The following CACNA1G variants were observed in gnomAD, a reference collection of about 807,000 sequenced individuals.
The protein encoded by CACNA1G is voltage-dependent T-type calcium channel subunit alpha-1G.
In CACNA1G, 67 loss-of-function variants were observed where a neutral mutation model predicts 219.4. The observed-to-expected ratio is 0.31, with a 90% CI of 0.25 to 0.37. CACNA1G has a LOEUF of 0.37. Ranked by LOEUF, CACNA1G falls within the 10% of genes least tolerant of loss-of-function variation. CACNA1G has a pLI of 1.00. For missense variants in CACNA1G, 2,380 were observed against 3,231.4 expected (o/e 0.74, Z 6.39); for synonymous variants, 1,296 against 1,345.3 (o/e 0.96, Z 0.80).
chr17:50,624,260 GGA>G, intron 36 of CACNA1G, 98 bp from the exon 37 acceptor site: 1 of 1,266,724 alleles, frequency 7.9e-7, no homozygotes, highest in Non-Finnish European at 1.1e-6. Context: ...CTGATGAGGG[GGA>G]GAGAGTGGAA....
chr17:50,608,210 C>T (rs2048357930), intron 25 of CACNA1G, among the ~76,000 whole-genome samples, 191 bp downstream of exon 25: 1 of 152,126 alleles, frequency 6.6e-6, no homozygotes, highest in African/African-American at 2.4e-5. Flanking sequence ...CAGACCACTT[C>T]AGCCCCATGG....
intron 9 of CACNA1G, among the ~76,000 whole-genome samples, chr17:50,586,629 T>C (rs2145313655): frequency 6.6e-6 from 1 of 152,320 alleles, no homozygotes; most frequent in East Asian, 1.9e-4. Flanking sequence ...TCCTTTGTTC[T>C]GTAGAGCAGC....
intron 25 of CACNA1G, among the ~76,000 whole-genome samples, chr17:50,608,567 A>G (rs1215870729): frequency 6.6e-6 from 1 of 151,342 alleles, no homozygotes; most frequent in Admixed American, 6.6e-5. Context: ...AAACTTAAAA[A>G]AAGAAAAAGC....
chr17:50,619,518 C>CTGTGTGTTTGTG lies in CACNA1G; in HGVS notation c.5782-158_5782-157insTTGTGTGTGTGT, dbSNP rs1555569199. Reference sequence around the variant, plus strand: ...CCCCCTCCTCTTTTTCTCTTTGTTGCTGTGTGTGTTTTTGTGTGTGTGCAC... The same window carrying CTGTGTGTTTGTG: ...CCCCCTCCTCTTTTTCTCTTTGTTGCTGTGTGTTTGTGTGTGTGTGTTTTTGTGTGTGTGCAC... On this transcript the variant is annotated intron_variant, in intron 33 of 37. Coordinates refer to ENST00000359106, the MANE Select transcript of CACNA1G (RefSeq NM_018896.5). Among the ~76,000 whole-genome samples the CTGTGTGTTTGTG allele has an allele frequency of 8.1e-3, 1,222 of 150,314 alleles. 20 individuals carry two copies. Among genetic ancestry groups the CTGTGTGTTTGTG allele is most frequent in the African/African-American group, 0.029 (1,171 of 40,884 alleles).
intron 23 of CACNA1G, 115 bp from the exon 24 acceptor site, chr17:50,606,785 C>A: frequency 1.4e-6 from 1 of 732,570 alleles, no homozygotes; most frequent in South Asian, 1.5e-5. Flanking sequence ...CCAGCTTGAC[C>A]CCTCAAGGGC....
intron 26 of CACNA1G, among the ~76,000 whole-genome samples, chr17:50,613,943 G>T (rs959398434): frequency 6.6e-6 from 1 of 152,150 alleles, no homozygotes; most frequent in South Asian, 2.1e-4. Context: ...CAGAGCCACA[G>T]TTGGCTGGCC....
In CACNA1G at chr17:50,607,723, C is replaced by T. The variant is rs144308183; in HGVS notation, c.4513-104C>T. The T allele has an allele frequency of 1.4e-3, 1,225 of 891,760 alleles. 12 individuals carry two copies. In the African/African-American group the frequency reaches 0.018, roughly 13 times the overall value. 55.2% of individuals were successfully genotyped at this position (891,760 alleles called of 1,614,324 possible). ...CCATTCATTTCCATCGCCTGTCAGG[C>T]GGCTGTAGCTATTTGGGTTCGCAGG... On this transcript the variant is annotated intron_variant, in intron 24 of 37. Coordinates refer to ENST00000359106, the MANE Select transcript of CACNA1G (RefSeq NM_018896.5).
intron 4 of CACNA1G, 61 bp downstream of exon 4, chr17:50,569,864 C>T (rs2038963607): frequency 1.6e-6 from 2 of 1,249,636 alleles, no homozygotes; most frequent in South Asian, 1.3e-5. Flanking sequence ...GTGGAACTCT[C>T]AGACCCCACC....
intron 13 of CACNA1G, among the ~76,000 whole-genome samples, chr17:50,593,795 C>T (rs1459663209): frequency 1.3e-5 from 2 of 152,216 alleles, no homozygotes; most frequent in Non-Finnish European, 2.9e-5. Context: ...AGAACATCCC[C>T]TCTCCATGGG....
intron 7 of CACNA1G, 166 bp downstream of exon 7, chr17:50,573,279 A>C (rs1567980903): frequency 3.3e-6 from 2 of 607,548 alleles, no homozygotes; most frequent in Middle Eastern, 3.2e-4. Context: ...ATGCAGAGTC[A>C]GGAGGAAATC....
intron 13 of CACNA1G, among the ~76,000 whole-genome samples, chr17:50,594,532 C>T (rs1157995645): frequency 6.6e-6 from 1 of 152,158 alleles, no homozygotes; most frequent in Non-Finnish European, 1.5e-5. Context: ...GCCACAGACT[C>T]GGGTTCCAGG....
rs2048613077 is a variant in CACNA1G at position 50,609,118 on chromosome 17, C to G, written c.4706-764C>G. 2.6e-5 allele frequency among the ~76,000 whole-genome samples: 4 copies of G among 152,194 alleles called. No homozygotes were observed. In the South Asian group the frequency reaches 8.3e-4, roughly 32 times the overall value. ...TTGGTGTGTTCACATGTGAGTACCA[C>G]CAAATGAGTGAGGGGTTGCCGTGCC... On this transcript the variant is annotated intron_variant, in intron 25 of 37. Coordinates refer to ENST00000359106, the MANE Select transcript of CACNA1G (RefSeq NM_018896.5).
chr17:50,618,460 T>A lies in CACNA1G; in HGVS notation c.5427+117T>A. The A allele has an allele frequency of 7.1e-7, 1 of 1,400,224 alleles. No individual in the cohort carries two copies. Among genetic ancestry groups the A allele is most frequent in the Non-Finnish European group, 9.9e-7 (1 of 1,010,352 alleles). The allele number at this position is 1,400,224 out of a possible 1,614,324, so 86.7% of individuals were successfully genotyped here. On this transcript the variant is annotated intron_variant, in intron 32 of 37. Transcript: ENST00000359106. The surrounding 1 kb of genome is among the most constrained non-coding windows in gnomAD (Gnocchi z 5.3). ...GCATGTGACCTTCTCTCCCCCGTGC[T>A]AGAACACTCTGGAACTCCCTCTCCC...
At position 50,616,146 on chromosome 17, in the gene CACNA1G, G is replaced by A. The variant is rs1002124335; in HGVS notation, c.4912-129G>A. The A allele has an allele frequency of 2.0e-5, 12 of 611,910 alleles. No individual in the cohort carries two copies. The Admixed American group carries it at 3.4e-4, about 17-fold the overall frequency. The allele number at this position is 611,910 out of a possible 1,614,324, so 37.9% of individuals were successfully genotyped here. A position where few individuals can be genotyped will look rare whatever the true frequency, so the allele number is the denominator to read the frequency against. ...GGCTAATGGCCAGCCATCATGATGGGAACAGAGAAGACAGGGCTCCTTGGA... is the reference window on the plus strand; with the variant it reads ...GGCTAATGGCCAGCCATCATGATGGAAACAGAGAAGACAGGGCTCCTTGGA... On this transcript the variant is annotated intron_variant, in intron 27 of 37. Transcript: ENST00000359106.
chr17:50,576,326 G>C lies in CACNA1G; in HGVS notation c.1924G>C (p.Gly642Arg), dbSNP rs759240788. 2.6e-6 allele frequency: 4 copies of C among 1,567,068 alleles called. No individual in the cohort carries two copies. Among genetic ancestry groups the C allele is most frequent in the Non-Finnish European group, 3.5e-6 (4 of 1,156,180 alleles). The part of the protein sequence containing the change: ...MHKLLETQST[G>R]ACQSSCKISS... Reference sequence around the variant, plus strand: ...CAAGCTGCTGGAGACACAGAGTACAGGTGAGAACTCTGGGTGGAGGCATGT... The same window carrying C: ...CAAGCTGCTGGAGACACAGAGTACACGTGAGAACTCTGGGTGGAGGCATGT... The change falls in exon 8 of 38, where the codon GGT becomes CGT. Residue 642 changes from glycine to arginine, a missense_variant and splice_region_variant. By Grantham distance (125) the Gly-to-Arg change is moderately radical (BLOSUM62 -2). This residue lies in a region of CACNA1G where 434 missense variants were observed against 417.3 expected (regional missense o/e 1.04). Coordinates refer to ENST00000359106, the MANE Select transcript of CACNA1G (RefSeq NM_018896.5).
Position 50,578,300 on chromosome 17 carries a change from G to A in CACNA1G, c.2037G>A (p.Glu679=). 1 of 1,613,102 alleles carries A rather than the reference G, an allele frequency of 6.2e-7. No individual in the cohort carries two copies. The highest frequency in any genetic ancestry group is 8.5e-7 in the Non-Finnish European group (1 of 1,179,846). Residue 679 remains glutamate (E), a synonymous_variant, in exon 9 of 38, where the codon GAG becomes GAA. Coordinates refer to ENST00000359106, the MANE Select transcript of CACNA1G (RefSeq NM_018896.5). The surrounding 1 kb of genome is among the most constrained non-coding windows in gnomAD (Gnocchi z 4.5). The stretch of plus-strand genomic sequence containing the variant: ...CCCGGGCCGGGGCAGGGGAGGTGGA[G>A]CTCGCCGACCGTGAAATGCCTGACT... ...YCARAGAGEV[E]LADREMPDSD...
chr17:50,571,007 T>C lies in CACNA1G; in HGVS notation c.587-871T>C, dbSNP rs986977044. On this transcript the variant is annotated intron_variant, in intron 4 of 37. Transcript: ENST00000359106. The surrounding 1 kb of genome is among the most constrained non-coding windows in gnomAD (Gnocchi z 4.3). ...AGAGATCTGTCTGCTTGACGAGGGC[T>C]TGGCGGACTGGGGGCTGGTTCAGAC... Among the ~76,000 whole-genome samples, 1 of 152,128 alleles carries C rather than the reference T, an allele frequency of 6.6e-6. No individual in the cohort carries two copies. Among genetic ancestry groups the C allele is most frequent in the African/African-American group, 2.4e-5 (1 of 41,430 alleles).
chr17:50,586,196 T>C (rs549262942), intron 9 of CACNA1G, among the ~76,000 whole-genome samples: 39 of 152,352 alleles, frequency 2.6e-4, no homozygotes, highest in Non-Finnish European at 4.4e-4. Context: ...ATTAATCTTC[T>C]TCATACACTG....
intron 37 of CACNA1G, among the ~76,000 whole-genome samples, chr17:50,624,763 G>T (rs767547520): frequency 2.6e-5 from 4 of 152,202 alleles, no homozygotes; most frequent in African/African-American, 4.8e-5. Context: ...AGACCAGAAG[G>T]GGTAGTGCTT....
Sources: gnomAD v4.1 joint callset for allele counts (sites outside exome capture counted in the v4.1 genomes callset) on GRCh38, gnomAD v4.1.1 for gene constraint, gnomAD v4.1.1 regional missense constraint, Gnocchi (gnomAD v3.1) non-coding constraint, MANE v1.5 for transcripts, NCBI Gene and HGNC (gene_info 2026-07-23, HGNC 2026-07-21) for gene names.